RYK: variants seen among roughly 807,000 people sequenced by gnomAD.
RYK encodes inactive tyrosine-protein kinase RYK.
In RYK, 21 loss-of-function variants were observed where a neutral mutation model predicts 70.2. The observed-to-expected ratio is 0.30, with a 90% CI of 0.21 to 0.43. The LOEUF (loss-of-function observed/expected upper bound fraction) is 0.43. Among genes scored for constraint, RYK ranks in the 20% least tolerant of loss-of-function variants. The pLI is 1.00. For synonymous variants in RYK, 267 were observed against 278.0 expected (o/e 0.96, Z 0.39); for missense variants, 604 against 753.3 (o/e 0.80, Z 2.32).
intron 13 of RYK, among the ~76,000 whole-genome samples, chr3:134,162,299 T>C (rs552734729): frequency 3.7e-4 from 56 of 151,364 alleles, no homozygotes; most frequent in Non-Finnish European, 6.9e-4. Context: ...CAACCCTACG[T>C]AAACTTTCAG....
chr3:134,226,646 T>G (rs1385680357), intron 1 of RYK, among the ~76,000 whole-genome samples: 3 of 152,148 alleles, frequency 2.0e-5, no homozygotes, highest in African/African-American at 7.2e-5. Flanking sequence ...TAACACATCA[T>G]GACCAACTAT....
At chr3:134,158,778 T>C (rs763937225) in intron 14 of RYK, among the ~76,000 whole-genome samples, 21 of 152,176 alleles carry the variant, frequency 1.4e-4, no homozygotes, top group Non-Finnish European at 2.5e-4. Context: ...AGCTATGTGA[T>C]AGAAGCAGGA....
chr3:134,192,006 A>AT (rs1349837225), intron 7 of RYK, 32 bp from the exon 8 acceptor site: 1 of 1,609,344 alleles, frequency 6.2e-7, no homozygotes, highest in Admixed American at 1.7e-5. Context: ...ACCAAGCAAT[A>AT]TAAATACCCT....
rs71139519 is a variant in RYK, at chr3:134,221,196, C to CTTTT, written c.354+1218_354+1221dup. On this transcript the variant is annotated intron_variant, in intron 2 of 14. Transcript: ENST00000623711. ...CTACAAAGTCTTAACAGTTCTTTTTCTTTTTTTTTTTTTTTTTTTTTTTTT... is the reference window on the plus strand; with the variant it reads ...CTACAAAGTCTTAACAGTTCTTTTTCTTTTTTTTTTTTTTTTTTTTTTTTTTTTT... 2.4e-3 allele frequency among the ~76,000 whole-genome samples: 191 copies of CTTTT among 78,590 alleles called. 31 individuals carry two copies. The highest frequency in any genetic ancestry group is 8.0e-3 in the African/African-American group (144 of 17,918). 51.6% of individuals were successfully genotyped at this position (78,590 alleles called of 152,430 possible).
intron 2 of RYK, among the ~76,000 whole-genome samples, chr3:134,212,619 T>TG (rs1460150400): frequency 1.3e-5 from 2 of 152,106 alleles, no homozygotes; most frequent in South Asian, 2.1e-4. Flanking sequence ...GATGGTGAAG[T>TG]GGGGGGTGTT....
At chr3:134,207,635 C>T (rs779308605) in intron 4 of RYK, 110 bp from the exon 5 acceptor site, 13 of 653,420 alleles carry the variant, frequency 2.0e-5, no homozygotes, top group East Asian at 2.9e-5. Context: ...GTATGTGTTG[C>T]GAGATAATGA....
rs532653689 is a variant in RYK, at chr3:134,230,592, T to C, written c.233-8053A>G. Among the ~76,000 whole-genome samples, 38 of 152,356 alleles carry C rather than the reference T, an allele frequency of 2.5e-4. No individual in the cohort carries two copies. In the South Asian group the frequency reaches 7.5e-3, roughly 30 times the overall value. On this transcript the variant is annotated intron_variant, in intron 1 of 14. Coordinates refer to ENST00000623711, the MANE Select transcript of RYK (RefSeq NM_002958.4). Reference sequence around the variant, plus strand: ...GAGTATATACTAATATTTCCACTTATATAAAGTTATAGAATAGGCAAAAGT... The same window carrying C: ...GAGTATATACTAATATTTCCACTTACATAAAGTTATAGAATAGGCAAAAGT...
chr3:134,233,387 A>C (rs2015115825), intron 1 of RYK, among the ~76,000 whole-genome samples: 1 of 152,228 alleles, frequency 6.6e-6, no homozygotes, highest in African/African-American at 2.4e-5. Context: ...TGACTGTTAC[A>C]CAGGTTATGA....
At chr3:134,239,122 A>G (rs1006903638) in intron 1 of RYK, among the ~76,000 whole-genome samples, 7 of 152,132 alleles carry the variant, frequency 4.6e-5, no homozygotes, top group Admixed American at 1.3e-4. Flanking sequence ...TTACCCAGAG[A>G]CAGCAAGGGA....
intron 7 of RYK, among the ~76,000 whole-genome samples, chr3:134,193,430 G>A (rs1392983722): frequency 3.3e-5 from 5 of 152,186 alleles, no homozygotes; most frequent in African/African-American, 9.7e-5. Flanking sequence ...TGATCCGCCC[G>A]CCTTGGCCTC....
At chr3:134,180,410 C>G (rs1198190717) in intron 10 of RYK, 1 of 152,134 alleles carries the variant, frequency 6.6e-6, no homozygotes, top group Non-Finnish European at 1.5e-5. Context: ...AATCCGTAAC[C>G]ATGGATGTTA....
intron 1 of RYK, among the ~76,000 whole-genome samples, chr3:134,238,416 T>C (rs993379469): frequency 1.3e-5 from 2 of 152,212 alleles, no homozygotes; most frequent in African/African-American, 4.8e-5. Flanking sequence ...AGAAAGAACG[T>C]ATGCATGACC....
chr3:134,191,998 C>T, intron 7 of RYK, 24 bp from the exon 8 acceptor site: 1 of 1,611,232 alleles, frequency 6.2e-7, no homozygotes, highest in Non-Finnish European at 8.5e-7. Flanking sequence ...AAAGCCAAAC[C>T]AAGCAATATA....
intron 5 of RYK, among the ~76,000 whole-genome samples, chr3:134,205,908 C>A (rs2014199277): frequency 6.6e-6 from 1 of 152,158 alleles, no homozygotes; most frequent in Non-Finnish European, 1.5e-5. Context: ...ACACCACAGA[C>A]TCTCCATAGG....
intron 1 of RYK, 73 bp from the exon 2 acceptor site, chr3:134,222,612 T>A: frequency 7.9e-7 from 1 of 1,270,170 alleles, no homozygotes; most frequent in Non-Finnish European, 1.1e-6. Context: ...GTATTTCAAA[T>A]ACAAATAGAG....
At chr3:134,188,320 C>A (rs1196199668) in intron 9 of RYK, among the ~76,000 whole-genome samples, 1 of 151,880 alleles carries the variant, frequency 6.6e-6, no homozygotes, top group Non-Finnish European at 1.5e-5. Flanking sequence ...GCCACCACGC[C>A]TGGCTAATTT....
In RYK at chr3:134,157,559, A is replaced by T. The variant is rs574099481; in HGVS notation, c.*594T>A. ...TCCATGCAAGGGCAGTTTGCTTCTA[A>T]TAAGTATTTTTAAAAAAATTTTTTT... On this transcript the variant is annotated 3_prime_UTR_variant, in exon 15 of 15. Transcript: ENST00000623711. The T allele has an allele frequency of 3.4e-4, 52 of 152,362 alleles. No homozygotes were observed. The highest frequency in any genetic ancestry group is 1.3e-3 in the African/African-American group (52 of 41,582). The allele number at this position is 152,362 out of a possible 1,614,324, so 9.4% of individuals were successfully genotyped here.
rs141316652 is a variant in RYK, at chr3:134,249,180, A to G, written c.232+1243T>C. On this transcript the variant is annotated intron_variant, in intron 1 of 14. Coordinates refer to ENST00000623711, the MANE Select transcript of RYK (RefSeq NM_002958.4). ...AAGTACTACCCCAAGTAGAGTTTTAATTCAGCTAAACTACATTCAGCTAAC... is the reference window on the plus strand; with the variant it reads ...AAGTACTACCCCAAGTAGAGTTTTAGTTCAGCTAAACTACATTCAGCTAAC... Among the ~76,000 whole-genome samples, 180 of 152,364 alleles carry G rather than the reference A, an allele frequency of 1.2e-3. 1 individual carries two copies. The highest frequency in any genetic ancestry group is 4.2e-3 in the African/African-American group (176 of 41,586).
At position 134,159,290 on chromosome 3, in the gene RYK, T is replaced by C. The variant is rs778533889; in HGVS notation, c.1659A>G (p.Ala553=). 5 of 1,613,820 alleles carry C rather than the reference T, an allele frequency of 3.1e-6. No individual in the cohort carries two copies. Among genetic ancestry groups the C allele is most frequent in the Non-Finnish European group, 4.2e-6 (5 of 1,179,872 alleles). ...YVDIDPFEMA[A]YLKDGYRIAQ... is the part of the protein sequence containing the mutation. Reference sequence around the variant, plus strand: ...CTATTCGGTAACCATCTTTCAGGTATGCGGCCATCTCGAAGGGGTCAATGT... The same window carrying C: ...CTATTCGGTAACCATCTTTCAGGTACGCGGCCATCTCGAAGGGGTCAATGT... Residue 553 remains alanine (A), a synonymous_variant, in exon 14 of 15, where the codon GCA becomes GCG. Coordinates refer to ENST00000623711, the MANE Select transcript of RYK (RefSeq NM_002958.4).
Sources: allele counts gnomAD v4.1 joint callset (sites outside exome capture counted in the v4.1 genomes callset), GRCh38; gene constraint gnomAD v4.1.1; transcripts MANE v1.5; gene names NCBI Gene and HGNC (gene_info 2026-07-23, HGNC 2026-07-21).